TMEM106B: variants seen among roughly 807,000 people sequenced by gnomAD.
The protein encoded by TMEM106B is transmembrane protein 106B.
Under a neutral mutation model 31.1 loss-of-function variants are expected in TMEM106B, and 15 were observed. The ratio of observed to expected loss-of-function variants is 0.48; its 90% CI spans 0.32 to 0.74. The LOEUF is 0.74. TMEM106B is among the 30% of genes least tolerant of loss of function. TMEM106B has a pLI of 0.03. For synonymous variants in TMEM106B, 126 were observed against 112.5 expected (o/e 1.12, Z -0.76); for missense variants, 283 against 327.3 (o/e 0.86, Z 1.04).
intron 2 of TMEM106B, among the ~76,000 whole-genome samples, chr7:12,218,240 T>A (rs1251460181): frequency 2.3e-5 from 1 of 43,020 alleles, no homozygotes; most frequent in Non-Finnish European, 3.8e-5. Context: ...TTTGTTATAC[T>A]TTTTTTTTTT....
Position 12,241,125 on chromosome 7 carries a change from T to C in TMEM106B, c.*9150T>C, listed in dbSNP as rs952798519. ...AAAATGATATATTGGAAACCACTGATTTCTTATTTTCATTTCATGAATTTC... is the reference window on the plus strand; with the variant it reads ...AAAATGATATATTGGAAACCACTGACTTCTTATTTTCATTTCATGAATTTC... On this transcript the variant is annotated 3_prime_UTR_variant, in exon 8 of 8. Transcript: ENST00000396668. 1 of 152,242 alleles carries C rather than the reference T, an allele frequency of 6.6e-6. No individual in the cohort carries two copies. The highest frequency in any genetic ancestry group is 1.5e-5 in the Non-Finnish European group (1 of 68,036). The allele number at this position is 152,242 out of a possible 1,614,324, so 9.4% of individuals were successfully genotyped here.
intron 3 of TMEM106B, among the ~76,000 whole-genome samples, chr7:12,223,676 T>G (rs544748931): frequency 6.9e-4 from 105 of 152,044 alleles, no homozygotes; most frequent in African/African-American, 2.5e-3. Flanking sequence ...AAGTAAATGT[T>G]CTATTGTTTT....
At position 12,232,373 on chromosome 7, in the gene TMEM106B, C is replaced by G. The variant is rs1025684222; in HGVS notation, c.*398C>G. ...GTTTTTATAGAAAATTACTGAAAGT[C>G]TATTACTCATGGAAGACTTTTAAAG... On this transcript the variant is annotated 3_prime_UTR_variant, in exon 8 of 8. Transcript: ENST00000396668. 6.5e-6 allele frequency: 1 copy of G among 153,222 alleles called. No homozygotes were observed. Among genetic ancestry groups the G allele is most frequent in the Admixed American group, 6.5e-5 (1 of 15,370 alleles). 9.5% of individuals were successfully genotyped at this position (153,222 alleles called of 1,614,324 possible).
chr7:12,229,667 C>A lies in TMEM106B; in HGVS notation c.442-12C>A. On this transcript the variant is annotated splice_polypyrimidine_tract_variant and intron_variant, in intron 4 of 7. Coordinates refer to ENST00000396668, the MANE Select transcript of TMEM106B (RefSeq NM_001134232.2). ...AGCTAACTTGTAAATTTTCTGTGTC[C>A]TTTTTTTGTAGAACACACTAAATAT... 1.3e-6 allele frequency: 2 copies of A among 1,519,656 alleles called. No homozygotes were observed. Among genetic ancestry groups the A allele is most frequent in the South Asian group, 1.3e-5 (1 of 76,352 alleles). 94.1% of individuals were successfully genotyped at this position (1,519,656 alleles called of 1,614,324 possible). A position where few individuals can be genotyped will look rare whatever the true frequency, so the allele number is the denominator to read the frequency against.
chr7:12,218,332 A>C (rs1269318442), intron 2 of TMEM106B, 126 bp from the exon 3 acceptor site: 3 of 619,562 alleles, frequency 4.8e-6, no homozygotes, highest in African/African-American at 1.9e-5. Context: ...AAGACTTAGC[A>C]ATTTACTAAA....
Position 12,229,877 on chromosome 7 carries a change from C to T in TMEM106B, c.582+58C>T, listed in dbSNP as rs1208993931. 12 of 1,515,446 alleles carry T rather than the reference C, an allele frequency of 7.9e-6. No individual in the cohort carries two copies. The East Asian group carries it at 2.5e-4, about 32-fold the overall frequency. The allele number at this position is 1,515,446 out of a possible 1,614,324, so 93.9% of individuals were successfully genotyped here. A position where few individuals can be genotyped will look rare whatever the true frequency, so the allele number is the denominator to read the frequency against. On this transcript the variant is annotated intron_variant, in intron 5 of 7. Transcript: ENST00000396668. ...TTAAATGAATGTCAGCTTTGTATATCATATAACTTGAAGGAGGTGGGGGAT... is the reference window on the plus strand; with the variant it reads ...TTAAATGAATGTCAGCTTTGTATATTATATAACTTGAAGGAGGTGGGGGAT...
At chr7:12,229,166 A>T (rs5011437) in intron 4 of TMEM106B, among the ~76,000 whole-genome samples, 76,400 of 151,602 alleles carry the variant, frequency 0.5, 20,339 homozygotes, top group African/African-American at 0.66. Context: ...CAGTAATTTG[A>T]GACAACAGTT....
At chr7:12,218,312 A>G (rs6415232) in intron 2 of TMEM106B, 146 bp from the exon 3 acceptor site, 277,874 of 473,582 alleles carry the variant, frequency 0.59, 83,638 homozygotes, top group African/African-American at 0.8. Flanking sequence ...CTTCTGCTGG[A>G]TACTTTCTGA....
At chr7:12,231,727 A>C (rs1583221631) in intron 7 of TMEM106B, 110 bp from the exon 8 acceptor site, 2 of 877,660 alleles carry the variant, frequency 2.3e-6, no homozygotes, top group African/African-American at 1.7e-5. Flanking sequence ...AGTTATCATT[A>C]ATCAAATATT....
intron 4 of TMEM106B, among the ~76,000 whole-genome samples, chr7:12,227,269 G>C (rs148191170): frequency 4.1e-4 from 63 of 152,058 alleles, no homozygotes; most frequent in Admixed American, 7.2e-4. Flanking sequence ...AAAATGATTA[G>C]TATATATTAG....
At chr7:12,228,099 A>G (rs1237373609) in intron 4 of TMEM106B, among the ~76,000 whole-genome samples, 1 of 151,942 alleles carries the variant, frequency 6.6e-6, no homozygotes, top group African/African-American at 2.4e-5. Context: ...AGAGCCAAAT[A>G]GATAAAATGT....
At chr7:12,228,729 T>C (rs1192556182) in intron 4 of TMEM106B, among the ~76,000 whole-genome samples, 1 of 152,044 alleles carries the variant, frequency 6.6e-6, no homozygotes, top group Non-Finnish European at 1.5e-5. Flanking sequence ...TTGCTAGCAG[T>C]ATGAAAATAT....
intron 4 of TMEM106B, 145 bp from the exon 5 acceptor site, chr7:12,229,534 T>C: frequency 1.5e-6 from 1 of 656,498 alleles, no homozygotes; most frequent in Non-Finnish European, 2.5e-6. Flanking sequence ...AACCAAATAA[T>C]TGGTTTAATT....
chr7:12,218,396 G>A, intron 2 of TMEM106B, 62 bp from the exon 3 acceptor site: 2 of 1,384,832 alleles, frequency 1.4e-6, no homozygotes, highest in Non-Finnish European at 1.0e-6. Context: ...AGATTGTGAT[G>A]GGGAGCCATT....
In TMEM106B at chr7:12,232,974, A is replaced by G. The variant is rs1782056081; in HGVS notation, c.*999A>G. ...GCAACTGTTAGGTACCCAGTTATCAATTTTATCAATGTTTTAGAGGAGGAA... is the reference window on the plus strand; with the variant it reads ...GCAACTGTTAGGTACCCAGTTATCAGTTTTATCAATGTTTTAGAGGAGGAA... On this transcript the variant is annotated 3_prime_UTR_variant, in exon 8 of 8. Transcript: ENST00000396668. 6.6e-6 allele frequency: 1 copy of G among 151,858 alleles called. No homozygotes were observed. The highest frequency in any genetic ancestry group is 2.4e-5 in the African/African-American group (1 of 41,532). 9.4% of individuals were successfully genotyped at this position (151,858 alleles called of 1,614,324 possible).
At chr7:12,230,836 T>TA (rs756289488) in intron 6 of TMEM106B, 8 of 385,498 alleles carry the variant, frequency 2.1e-5, no homozygotes, top group Admixed American at 8.7e-5. Flanking sequence ...AAGTAATTTA[T>TA]AGCCTGCATT....
At chr7:12,215,842 T>A (rs1409541910) in intron 2 of TMEM106B, 1 of 171,702 alleles carries the variant, frequency 5.8e-6, no homozygotes, top group African/African-American at 2.4e-5. Context: ...AAAAAAATTG[T>A]TTGTGATATA....
In TMEM106B at chr7:12,220,270, T is replaced by C. The variant is rs535512873; in HGVS notation, c.281+1749T>C. Among the ~76,000 whole-genome samples, 4 of 152,292 alleles carry C rather than the reference T, an allele frequency of 2.6e-5. No homozygotes were observed. In the East Asian group the frequency reaches 7.7e-4, roughly 29 times the overall value. ...AGTGGGAGAACTTTTTAAACTATGA[T>C]TTTGAATGCAGAAAAGATAAATTTG... On this transcript the variant is annotated intron_variant, in intron 3 of 7. Coordinates refer to ENST00000396668, the MANE Select transcript of TMEM106B (RefSeq NM_001134232.2).
chr7:12,217,349 A>G (rs1189376995), intron 2 of TMEM106B, among the ~76,000 whole-genome samples: 1 of 152,204 alleles, frequency 6.6e-6, no homozygotes, highest in Non-Finnish European at 1.5e-5. Context: ...ACTAAGAATG[A>G]GGATAGCGAA....
Sources: gnomAD v4.1 joint callset for allele counts (sites outside exome capture counted in the v4.1 genomes callset) on GRCh38, gnomAD v4.1.1 for gene constraint, MANE v1.5 for transcripts, NCBI Gene and HGNC (gene_info 2026-07-23, HGNC 2026-07-21) for gene names.